BOLL: variants seen among roughly 807,000 people sequenced by gnomAD.
The protein encoded by BOLL is boule RNA binding protein.
BOLL carries 23 observed loss-of-function variants against 44.4 expected under a neutral mutation model. The observed-to-expected ratio is 0.52, with a 90% confidence interval of 0.37 to 0.73. BOLL has a LOEUF of 0.73. BOLL is among the 30% of genes least tolerant of loss of function. The probability of loss-of-function intolerance (pLI) is 0.00; values close to 1 mark genes in which losing one functional copy is unlikely to be tolerated. For missense variants in BOLL, 287 were observed against 338.3 expected, an observed-to-expected ratio of 0.85 and a Z score of 1.19; for synonymous variants, 97 against 110.8, an observed-to-expected ratio of 0.88 and a Z score of 0.78.
chr2:197,742,342 C>T (rs957647127), intron 10 of BOLL, among the ~76,000 whole-genome samples: 10 of 152,190 alleles, frequency 6.6e-5, no homozygotes, highest in Admixed American at 5.2e-4. Context: ...ACAAATCATG[C>T]TGCTATAAAG....
At position 197,781,836 on chromosome 2, in the gene BOLL, T is replaced by G; in HGVS notation, c.15A>C (p.Ser5=). The change falls in exon 2 of 11, where the codon TCA becomes TCC. Residue 5 remains serine, a synonymous_variant. Coordinates refer to ENST00000392296, the MANE Select transcript of BOLL (RefSeq NM_033030.6). ...ACACAGGATTAGGGGATGGAGATAATGAATCTGTTTGCATCTGGTTTGATG... is the reference window on the plus strand; with the variant it reads ...ACACAGGATTAGGGGATGGAGATAAGGAATCTGTTTGCATCTGGTTTGATG... MQTD[S]LSPSPNPVSP... is the part of the protein sequence containing the mutation. The G allele has an allele frequency of 1.2e-6, 2 of 1,603,470 alleles. No homozygotes were observed. The highest frequency in any genetic ancestry group is 1.7e-6 in the Non-Finnish European group (2 of 1,172,858).
chr2:197,781,531 C>A (rs1054617594), intron 2 of BOLL, among the ~76,000 whole-genome samples, 191 bp downstream of exon 2: 4 of 152,136 alleles, frequency 2.6e-5, no homozygotes, highest in African/African-American at 9.7e-5. Flanking sequence ...TTCTTTATAT[C>A]TGACATTGAA....
chr2:197,785,094 G>A lies in BOLL; in HGVS notation c.-54C>T. 1.0e-6 allele frequency: 1 copy of A among 985,978 alleles called. No homozygotes were observed. Among genetic ancestry groups the A allele is most frequent in the Non-Finnish European group, 1.2e-6 (1 of 829,928 alleles). The allele number at this position is 985,978 out of a possible 1,614,324, so 61.1% of individuals were successfully genotyped here. Reference sequence around the variant, plus strand: ...GCCTCGGCGCTCCTCCCCCTCCAAGGCCAGCAAGTTGCGGCACTGGGGGAA... The same window carrying A: ...GCCTCGGCGCTCCTCCCCCTCCAAGACCAGCAAGTTGCGGCACTGGGGGAA... On this transcript the variant is annotated 5_prime_UTR_variant, in exon 1 of 11. Transcript: ENST00000392296. The surrounding 1 kb of genome is among the most constrained non-coding windows in gnomAD (Gnocchi z 6.7).
intron 5 of BOLL, among the ~76,000 whole-genome samples, chr2:197,773,842 T>C (rs55849156): frequency 0.022 from 3,313 of 151,946 alleles, 51 homozygotes; most frequent in Non-Finnish European, 0.036. Flanking sequence ...GGTAGAAAGA[T>C]TGGATTCAGA....
intron 9 of BOLL, among the ~76,000 whole-genome samples, chr2:197,747,837 G>T (rs1214295491): frequency 2.0e-5 from 3 of 152,112 alleles, no homozygotes; most frequent in Non-Finnish European, 2.9e-5. Context: ...AATGGAACAG[G>T]ATAGAGAACT....
chr2:197,775,786 A>C (rs760733052), intron 4 of BOLL, 46 bp from the exon 5 acceptor site: 1 of 1,170,800 alleles, frequency 8.5e-7, no homozygotes, highest in Admixed American at 2.5e-5. Flanking sequence ...TAGCACTATT[A>C]TTTATAAAAT....
At position 197,785,316 on chromosome 2, in the gene BOLL, A is replaced by G; in HGVS notation, c.-276T>C. On this transcript the variant is annotated 5_prime_UTR_variant, in exon 1 of 11. Coordinates refer to ENST00000392296, the MANE Select transcript of BOLL (RefSeq NM_033030.6). This position sits in a 1 kb window ranked among gnomAD's most constrained non-coding sequence, Gnocchi z 6.7. ...CGACCCCGCCGCTGGCCTCGTGCGC[A>G]GCTGGTCCCCACCCTCGCGCGGCGC... The G allele has an allele frequency of 1.0e-6, 1 of 985,676 alleles. No individual in the cohort carries two copies. The highest frequency in any genetic ancestry group is 1.2e-6 in the Non-Finnish European group (1 of 829,942). 61.1% of individuals were successfully genotyped at this position (985,676 alleles called of 1,614,324 possible). A position where few individuals can be genotyped will look rare whatever the true frequency, so the allele number is the denominator to read the frequency against.
At chr2:197,768,731 C>A (rs1477863200) in intron 6 of BOLL, among the ~76,000 whole-genome samples, 1 of 148,454 alleles carries the variant, frequency 6.7e-6, no homozygotes, top group African/African-American at 2.5e-5. Context: ...AAGAAAAAAT[C>A]TTGTGCCAGT....
At chr2:197,777,666 C>T (rs537601110) in intron 3 of BOLL, among the ~76,000 whole-genome samples, 1 of 151,736 alleles carries the variant, frequency 6.6e-6, no homozygotes, top group South Asian at 2.1e-4. Flanking sequence ...GTTTTTCATA[C>T]ATAATTAACT....
intron 6 of BOLL, among the ~76,000 whole-genome samples, chr2:197,767,890 G>T (rs1401376676): frequency 6.6e-6 from 1 of 151,870 alleles, no homozygotes; most frequent in Non-Finnish European, 1.5e-5. Context: ...CACTGAAATT[G>T]CTCCCTTTTT....
rs1268108782 is a variant in BOLL, at chr2:197,728,568, C to T, written c.839G>A (p.Ser280Asn). ...MQPEPIKTVW[S>N]IHY The stretch of plus-strand genomic sequence containing the variant: ...TGCCCAATTGTCTTAATAATGAATG[C>T]TCCACACTGTCTGTTAAGTAAAGAG... Residue 280 changes from serine (S) to asparagine (N), a missense_variant, in exon 11 of 11, where the codon AGC (serine) becomes AAC (asparagine). Physicochemically the swap from Ser to Asn is conservative, Grantham distance 46 (BLOSUM62 1). Transcript: ENST00000392296. 2 of 1,608,260 alleles carry T rather than the reference C, an allele frequency of 1.2e-6. No homozygotes were observed. The highest frequency in any genetic ancestry group is 1.3e-5 in the African/African-American group (1 of 74,660).
rs575105529 is a variant in BOLL at position 197,764,961 on chromosome 2, C to CA, written c.552+1570dup. On this transcript the variant is annotated intron_variant, in intron 7 of 10. Coordinates refer to ENST00000392296, the MANE Select transcript of BOLL (RefSeq NM_033030.6). ...TCACAATAAAGAGTACCATGTGTTA[C>CA]AAAAAAAAAAAGTTGATCTCATAGA... is the stretch of plus-strand genomic sequence containing the variant. Among the ~76,000 whole-genome samples the CA allele has an allele frequency of 8.8e-4, 118 of 134,048 alleles. 1 individual carries two copies. Among genetic ancestry groups the CA allele is most frequent in the South Asian group, 3.1e-3 (13 of 4,212 alleles). 87.9% of individuals were successfully genotyped at this position (134,048 alleles called of 152,430 possible). A position where few individuals can be genotyped will look rare whatever the true frequency, so the allele number is the denominator to read the frequency against.
rs73990708 is a variant in BOLL at position 197,785,125 on chromosome 2, C to T, written c.-85G>A. 4.2e-3 allele frequency: 4,117 copies of T among 985,954 alleles called. 128 individuals carry two copies. In the African/African-American group the frequency reaches 0.068, roughly 16 times the overall value. 61.1% of individuals were successfully genotyped at this position (985,954 alleles called of 1,614,324 possible). A position where few individuals can be genotyped will look rare whatever the true frequency, so the allele number is the denominator to read the frequency against. On this transcript the variant is annotated 5_prime_UTR_variant, in exon 1 of 11. Coordinates refer to ENST00000392296, the MANE Select transcript of BOLL (RefSeq NM_033030.6). The surrounding 1 kb of genome is among the most constrained non-coding windows in gnomAD (Gnocchi z 6.7). ...AAGTTGCGGCACTGGGGGAAATGGCCGCGGCGACAACTTCCTCGAGTTCTC... is the reference window on the plus strand; with the variant it reads ...AAGTTGCGGCACTGGGGGAAATGGCTGCGGCGACAACTTCCTCGAGTTCTC...
intron 7 of BOLL, among the ~76,000 whole-genome samples, chr2:197,765,255 A>G (rs1237864669): frequency 6.6e-6 from 1 of 152,012 alleles, no homozygotes; most frequent in Non-Finnish European, 1.5e-5. Flanking sequence ...TGATGGGTGC[A>G]TCAAAATCTC....
chr2:197,756,418 T>C lies in BOLL; in HGVS notation c.729+10A>G, dbSNP rs992403504. On this transcript the variant is annotated intron_variant, in intron 9 of 10. Transcript: ENST00000392296. ...AGTTATAGATCAATTACTTTAAGAC[T>C]AATACATACCTCTGGAACTGAAGTT... The C allele has an allele frequency of 1.9e-6, 3 of 1,590,938 alleles. No homozygotes were observed. The highest frequency in any genetic ancestry group is 1.8e-5 in the Admixed American group (1 of 56,466).
In BOLL at chr2:197,748,547, G is replaced by T. The variant is rs536280585; in HGVS notation, c.730-5388C>A. ...ACCTGGGATGCTCAGGCTTGGTCAG[G>T]GGTTGGGGCATCTGCCATTACTGAG... On this transcript the variant is annotated intron_variant, in intron 9 of 10. Transcript: ENST00000392296. Among the ~76,000 whole-genome samples, 26 of 152,326 alleles carry T rather than the reference G, an allele frequency of 1.7e-4. 1 individual carries two copies. The South Asian group carries it at 5.4e-3, about 32-fold the overall frequency.
chr2:197,742,916 C>G, intron 10 of BOLL, 145 bp downstream of exon 10: 1 of 428,208 alleles, frequency 2.3e-6, no homozygotes, highest in Non-Finnish European at 4.1e-6. Flanking sequence ...AATTATATTT[C>G]CTTCACATGA....
intron 7 of BOLL, among the ~76,000 whole-genome samples, chr2:197,761,602 T>G (rs1191920223): frequency 6.6e-6 from 1 of 152,120 alleles, no homozygotes; most frequent in Non-Finnish European, 1.5e-5. Context: ...TCCTCACCTA[T>G]CAATAATAAC....
intron 1 of BOLL, among the ~76,000 whole-genome samples, chr2:197,783,685 G>T (rs1689902657): frequency 6.6e-6 from 1 of 152,172 alleles, no homozygotes; most frequent in Non-Finnish European, 1.5e-5. Flanking sequence ...TTCTCTCTGG[G>T]CACTTGGAGG....
Sources: allele counts gnomAD v4.1 joint callset (sites outside exome capture counted in the v4.1 genomes callset), GRCh38; gene constraint gnomAD v4.1.1; non-coding constraint Gnocchi (gnomAD v3.1); transcripts MANE v1.5; gene names NCBI Gene and HGNC (gene_info 2026-07-23, HGNC 2026-07-21).